Variants in PLCB3 observed in about 807,000 individuals in gnomAD.
PLCB3 encodes phospholipase C beta 3.
In PLCB3, 54 loss-of-function variants were observed where a neutral mutation model predicts 152.1. The observed-to-expected ratio is 0.36, with a 90% CI of 0.29 to 0.45. The LOEUF (loss-of-function observed/expected upper bound fraction) is 0.45. Among genes scored for constraint, PLCB3 ranks in the 20% least tolerant of loss-of-function variants. The pLI is 1.00. For missense variants in PLCB3, 1,248 were observed against 1,687.5 expected, an observed-to-expected ratio of 0.74 and a Z score of 4.56; for synonymous variants, 717 against 698.7, an observed-to-expected ratio of 1.03 and a Z score of -0.41.
intron 19 of PLCB3, 115 bp downstream of exon 19, chr11:64,262,923 T>C: frequency 9.0e-7 from 1 of 1,113,982 alleles, no homozygotes; most frequent in South Asian, 1.4e-5. Flanking sequence ...GATCAGAAAG[T>C]GGGGGGTGCC....
intron 10 of PLCB3, among the ~76,000 whole-genome samples, chr11:64,257,770 G>A (rs1210093450): frequency 1.3e-5 from 2 of 152,154 alleles, no homozygotes; most frequent in Admixed American, 1.3e-4. Flanking sequence ...TCCTGGGTGT[G>A]AGGAAGAGGC....
Position 64,255,375 on chromosome 11 carries a change from C to T in PLCB3, c.468-21C>T, listed in dbSNP as rs779133316. On this transcript the variant is annotated intron_variant, in intron 5 of 30. Coordinates refer to ENST00000279230, the MANE Select transcript of PLCB3 (RefSeq NM_000932.5). The surrounding 1 kb of genome is among the most constrained non-coding windows in gnomAD (Gnocchi z 6.8). The stretch of plus-strand genomic sequence containing the variant: ...TCACGTGGCCGTTTTCAGGGTGTGA[C>T]CTCTTCATCTGCCTTCCCAGATACA... The T allele has an allele frequency of 2.5e-5, 40 of 1,613,954 alleles. No homozygotes were observed. The East Asian group carries it at 8.9e-4, about 36-fold the overall frequency.
Position 64,267,495 on chromosome 11 carries a change from G to T in PLCB3, c.3644G>T (p.Gly1215Val). 1 of 1,569,832 alleles carries T rather than the reference G, an allele frequency of 6.4e-7. No homozygotes were observed. The highest frequency in any genetic ancestry group is 8.6e-7 in the Non-Finnish European group (1 of 1,161,986). The change falls in exon 31 of 31, where the codon GGG becomes GTG. Residue 1215 changes from glycine to valine, a missense_variant. Gly to Val is a moderately radical substitution (Grantham distance 109, BLOSUM62 -3). Around this residue, in one of 6 missense-constraint regions of PLCB3, gnomAD observed 477 missense variants for 489.6 expected, o/e 0.97. Coordinates refer to ENST00000279230, the MANE Select transcript of PLCB3 (RefSeq NM_000932.5). This position sits in a 1 kb window ranked among gnomAD's most constrained non-coding sequence, Gnocchi z 5.2. ...VACASNGHAP[G>V]SSGHLSGADS... is the part of the protein sequence containing the mutation. ...TGTGCCAGCAACGGTCACGCACCCG[G>T]GAGCAGCGGGCACCTGTCGGGCGCT...
chr11:64,255,316 G>C lies in PLCB3; in HGVS notation c.467+3G>C, dbSNP rs1466609570. 6.2e-7 allele frequency: 1 copy of C among 1,613,954 alleles called. No homozygotes were observed. Among genetic ancestry groups the C allele is most frequent in the Non-Finnish European group, 8.5e-7 (1 of 1,179,970 alleles). The stretch of plus-strand genomic sequence containing the variant: ...CGGAACACCTTCCTGCGCAAAGCGT[G>C]AGCCCCAGGCCACCCGAGGGGGAGC... On this transcript the variant is annotated splice_donor_region_variant and intron_variant, in intron 5 of 30. Transcript: ENST00000279230. This position sits in a 1 kb window ranked among gnomAD's most constrained non-coding sequence, Gnocchi z 6.8.
chr11:64,262,218 G>A lies in PLCB3; in HGVS notation c.2038+142G>A, dbSNP rs149507732. ...GGGAACCCAGCTCCCGACTCACCCCGCCTCCTGCCCTTGGCTGATACCAGA... is the reference window on the plus strand; with the variant it reads ...GGGAACCCAGCTCCCGACTCACCCCACCTCCTGCCCTTGGCTGATACCAGA... On this transcript the variant is annotated intron_variant, in intron 17 of 30. Coordinates refer to ENST00000279230, the MANE Select transcript of PLCB3 (RefSeq NM_000932.5). 7.3e-3 allele frequency: 9,734 copies of A among 1,342,084 alleles called. 42 individuals carry two copies. The highest frequency in any genetic ancestry group is 9.2e-3 in the Non-Finnish European group (8,814 of 953,650). The allele number at this position is 1,342,084 out of a possible 1,614,324, so 83.1% of individuals were successfully genotyped here.
chr11:64,255,039 G>GT lies in PLCB3; in HGVS notation c.387+2dup, dbSNP rs756426279. On this transcript the variant is annotated splice_donor_variant, in intron 4 of 30. Coordinates refer to ENST00000279230, the MANE Select transcript of PLCB3 (RefSeq NM_000932.5). LOFTEE classifies it high-confidence loss of function. This position sits in a 1 kb window ranked among gnomAD's most constrained non-coding sequence, Gnocchi z 6.8. ...GGCCGTGCAGGATGACACAGCCAAG[G>GT]TGGGCTGGCACCAAGGGGACGAAGG... The GT allele has an allele frequency of 6.4e-7, 1 of 1,568,912 alleles. No individual in the cohort carries two copies. Among genetic ancestry groups the GT allele is most frequent in the African/African-American group, 1.4e-5 (1 of 74,010 alleles).
chr11:64,263,030 G>A (rs1305133084), intron 19 of PLCB3, among the ~76,000 whole-genome samples: 2 of 152,212 alleles, frequency 1.3e-5, no homozygotes, highest in Non-Finnish European at 2.9e-5. Flanking sequence ...GTTGGGGGGT[G>A]TCAGCTAGAC....
Position 64,255,943 on chromosome 11 carries a change from GA to G in PLCB3, c.698+123del. 2.6e-6 allele frequency: 2 copies of G among 756,960 alleles called. No homozygotes were observed. The highest frequency in any genetic ancestry group is 3.0e-5 in the South Asian group (2 of 65,768). The allele number at this position is 756,960 out of a possible 1,614,324, so 46.9% of individuals were successfully genotyped here. ...CCGGGTCCTGGAGCGCCAGGGGGCG[GA>G]GGGGTGCCCAGGGAGAACCTGTCGG... On this transcript the variant is annotated intron_variant, in intron 8 of 30. Coordinates refer to ENST00000279230, the MANE Select transcript of PLCB3 (RefSeq NM_000932.5). This position sits in a 1 kb window ranked among gnomAD's most constrained non-coding sequence, Gnocchi z 6.8.
chr11:64,256,479 C>T lies in PLCB3; in HGVS notation c.802C>T (p.Arg268Trp), dbSNP rs745954606. 1.4e-5 allele frequency: 22 copies of T among 1,613,746 alleles called. No homozygotes were observed. Among genetic ancestry groups the T allele is most frequent in the Non-Finnish European group, 1.9e-5 (22 of 1,180,012 alleles). ...CAACGAAGTGCTGTACCCGCCCCTG[C>T]GGCCCTCCCAGGCCCGGCTGCTCAT... ...RLNEVLYPPL[R>W]PSQARLLIEK... The change falls in exon 9 of 31, where the codon CGG becomes TGG. Residue 268 changes from arginine to tryptophan, a missense_variant. By Grantham distance (101) the Arg-to-Trp change is moderately radical (BLOSUM62 -3). Transcript: ENST00000279230.
Position 64,256,349 on chromosome 11 carries a change from C to T in PLCB3, c.699-27C>T, listed in dbSNP as rs1029255410. The T allele has an allele frequency of 2.5e-6, 4 of 1,608,880 alleles. No homozygotes were observed. In the Admixed American group the frequency reaches 6.8e-5, roughly 27 times the overall value. The stretch of plus-strand genomic sequence containing the variant: ...GGGTGGGAGCCCTGCCAGGCTCCAT[C>T]CTGACCCAGCTTCCTGTCCCCTCCA... On this transcript the variant is annotated intron_variant, in intron 8 of 30. Coordinates refer to ENST00000279230, the MANE Select transcript of PLCB3 (RefSeq NM_000932.5).
At position 64,260,204 on chromosome 11, in the gene PLCB3, G is replaced by T. The variant is rs1369820863; in HGVS notation, c.1701G>T (p.Gln567His). The change falls in exon 14 of 31, where the codon CAG (glutamine) becomes CAT (histidine). Residue 567 changes from glutamine (Q) to histidine (H), a missense_variant. Around this residue, in one of 6 missense-constraint regions of PLCB3, gnomAD observed 105 missense variants for 100.9 expected, o/e 1.04. Transcript: ENST00000279230. ...AGGAAGATGAGGAAGAGGAGGAACA[G>T]ACAGACCCCAAAAAGCCAACTACAG... ...DEEEDEEEEE[Q>H]TDPKKPTTDE... The T allele has an allele frequency of 6.3e-7, 1 of 1,579,062 alleles. No homozygotes were observed. Among genetic ancestry groups the T allele is most frequent in the Non-Finnish European group, 8.6e-7 (1 of 1,161,800 alleles).
rs562410739 is a variant in PLCB3 at position 64,266,422 on chromosome 11, G to A, written c.3356+18G>A. 9 of 1,594,766 alleles carry A rather than the reference G, an allele frequency of 5.6e-6. No homozygotes were observed. The highest frequency in any genetic ancestry group is 5.0e-5 in the Admixed American group (3 of 59,978). Reference sequence around the variant, plus strand: ...AAGGAGGCGTAAGGGCACCGGGACCGGGGGCCATCTGGGTACTGGGGAGGC... The same window carrying A: ...AAGGAGGCGTAAGGGCACCGGGACCAGGGGCCATCTGGGTACTGGGGAGGC... On this transcript the variant is annotated intron_variant, in intron 28 of 30. Coordinates refer to ENST00000279230, the MANE Select transcript of PLCB3 (RefSeq NM_000932.5). This position sits in a 1 kb window ranked among gnomAD's most constrained non-coding sequence, Gnocchi z 4.9.
chr11:64,254,859 C>T (rs369016920), intron 3 of PLCB3, 39 bp from the exon 4 acceptor site: 51 of 1,613,292 alleles, frequency 3.2e-5, no homozygotes, highest in South Asian at 7.7e-5. Flanking sequence ...CGAGGCTGTG[C>T]GGGAGCCCCC....
chr11:64,261,700 G>C, intron 16 of PLCB3, 35 bp downstream of exon 16: 1 of 1,583,072 alleles, frequency 6.3e-7, no homozygotes, highest in Non-Finnish European at 8.7e-7. Context: ...GGGCAGGCCA[G>C]GGTGGGGCGC....
Position 64,262,525 on chromosome 11 carries a change from C to T in PLCB3, c.2157C>T (p.Ile719=), listed in dbSNP as rs145953984. The T allele has an allele frequency of 1.2e-6, 2 of 1,613,840 alleles. No individual in the cohort carries two copies. The highest frequency in any genetic ancestry group is 1.7e-6 in the Non-Finnish European group (2 of 1,180,006). Residue 719 remains isoleucine, a synonymous_variant, in exon 18 of 31, where the codon ATC becomes ATT. Transcript: ENST00000279230. ...DKSFDPFTEV[I]VDGIVANALR... Reference sequence around the variant, plus strand: ...CCTTCGACCCCTTCACTGAGGTCATCGTGGATGGCATCGTGGCCAATGCCT... The same window carrying T: ...CCTTCGACCCCTTCACTGAGGTCATTGTGGATGGCATCGTGGCCAATGCCT...
Position 64,251,667 on chromosome 11 carries a change from C to G in PLCB3, c.18C>G (p.Pro6=), listed in dbSNP as rs369738100. 4 of 1,472,930 alleles carry G rather than the reference C, an allele frequency of 2.7e-6. No homozygotes were observed. The highest frequency in any genetic ancestry group is 1.5e-5 in the African/African-American group (1 of 68,168). The allele number at this position is 1,472,930 out of a possible 1,614,324, so 91.2% of individuals were successfully genotyped here. Reference sequence around the variant, plus strand: ...GCCGGGCCATGGCGGGCGCCCAGCCCGGCGTCCACGCGCTGCAGTTGGAGC... The same window carrying G: ...GCCGGGCCATGGCGGGCGCCCAGCCGGGCGTCCACGCGCTGCAGTTGGAGC... The part of the protein sequence containing the change: MAGAQ[P]GVHALQLEPP... Residue 6 remains proline, a synonymous_variant, in exon 1 of 31, where the codon CCC becomes CCG. Coordinates refer to ENST00000279230, the MANE Select transcript of PLCB3 (RefSeq NM_000932.5).
chr11:64,263,124 G>C (rs984867403), intron 19 of PLCB3, among the ~76,000 whole-genome samples: 1 of 152,182 alleles, frequency 6.6e-6, no homozygotes, highest in Non-Finnish European at 1.5e-5. Context: ...GCTCATATCC[G>C]CTCTTCAGCA....
rs534987440 is a variant in PLCB3 at position 64,251,600 on chromosome 11, T to A, written c.-50T>A. 281 of 928,370 alleles carry A rather than the reference T, an allele frequency of 3.0e-4. 4 individuals carry two copies. The South Asian group carries it at 8.3e-3, about 27-fold the overall frequency. 57.5% of individuals were successfully genotyped at this position (928,370 alleles called of 1,614,324 possible). ...CCGCGCGGTGGGAGCAGCGGCGCCGTCGGTCCCCGTCAGGGCTCCGTGGGT... is the reference window on the plus strand; with the variant it reads ...CCGCGCGGTGGGAGCAGCGGCGCCGACGGTCCCCGTCAGGGCTCCGTGGGT... On this transcript the variant is annotated 5_prime_UTR_variant, in exon 1 of 31. Transcript: ENST00000279230.
rs1244829468 is a variant in PLCB3, at chr11:64,267,172, C to T, written c.3415-13C>T. The T allele has an allele frequency of 1.4e-5, 21 of 1,549,278 alleles. No individual in the cohort carries two copies. The East Asian group carries it at 4.9e-4, about 36-fold the overall frequency. ...TCAGGGCCCCTCAGCTGAGCCCTTGCCCACCCCTGTAGCTGGAGGAGGCCC... is the reference window on the plus strand; with the variant it reads ...TCAGGGCCCCTCAGCTGAGCCCTTGTCCACCCCTGTAGCTGGAGGAGGCCC... On this transcript the variant is annotated splice_polypyrimidine_tract_variant and intron_variant, in intron 29 of 30. Coordinates refer to ENST00000279230, the MANE Select transcript of PLCB3 (RefSeq NM_000932.5). This position sits in a 1 kb window ranked among gnomAD's most constrained non-coding sequence, Gnocchi z 5.2.
Sources: allele counts gnomAD v4.1 joint callset (sites outside exome capture counted in the v4.1 genomes callset), GRCh38; gene constraint gnomAD v4.1.1; regional missense constraint gnomAD v4.1.1; non-coding constraint Gnocchi (gnomAD v3.1); transcripts MANE v1.5; gene names NCBI Gene and HGNC (gene_info 2026-07-23, HGNC 2026-07-21).